The following XKR6 variants were observed in gnomAD, a reference collection of about 807,000 sequenced individuals.
XKR6 encodes the protein XK related 6.
A neutral mutation model predicts 56.7 loss-of-function variants in XKR6; 22 were observed. That is an observed-to-expected ratio of 0.39 (90% CI 0.28 to 0.55). The LOEUF is 0.55. Among genes scored for constraint, XKR6 ranks in the 20% least tolerant of loss-of-function variants. The probability of loss-of-function intolerance (pLI) is 0.66; values close to 1 mark genes in which losing one functional copy is unlikely to be tolerated. For synonymous variants in XKR6, 524 were observed against 387.8 expected (o/e 1.35, Z -4.13); for missense variants, 852 against 889.0 (o/e 0.96, Z 0.53).
intron 2 of XKR6, among the ~76,000 whole-genome samples, chr8:10,904,136 C>T (rs986339328): frequency 3.3e-5 from 5 of 152,176 alleles, no homozygotes; most frequent in African/African-American, 9.7e-5. Flanking sequence ...ACACGCTTCA[C>T]GTTTGGCTGT....
intron 1 of XKR6, among the ~76,000 whole-genome samples, chr8:11,022,021 G>C (rs995544527): frequency 4.0e-5 from 6 of 151,496 alleles, no homozygotes; most frequent in African/African-American, 1.5e-4. Context: ...AGAAAACAAA[G>C]GGGAAGAAAC....
intron 1 of XKR6, among the ~76,000 whole-genome samples, chr8:11,095,326 G>C (rs1261459765): frequency 6.6e-6 from 1 of 152,136 alleles, no homozygotes. Flanking sequence ...ATGAATGTAA[G>C]GTATTCTTAA....
chr8:11,149,306 T>C (rs895502002), intron 1 of XKR6, among the ~76,000 whole-genome samples: 5 of 152,210 alleles, frequency 3.3e-5, no homozygotes, highest in African/African-American at 1.2e-4. Flanking sequence ...CCATAGTGAA[T>C]GCTGTAGGCA....
rs544858298 is a variant in XKR6 at position 11,043,704 on chromosome 8, C to G, written c.765-118874G>C. The stretch of plus-strand genomic sequence containing the variant: ...CCCACCCACCTCTTGGCCAAGGGAA[C>G]CCCAGAGAAATCTTAAAAACTAAGT... On this transcript the variant is annotated intron_variant, in intron 1 of 2. Coordinates refer to ENST00000416569, the MANE Select transcript of XKR6 (RefSeq NM_173683.4). 1.2e-3 allele frequency among the ~76,000 whole-genome samples: 186 copies of G among 152,334 alleles called. 3 individuals carry two copies. The highest frequency in any genetic ancestry group is 4.4e-3 in the African/African-American group (181 of 41,580).
Position 10,897,734 on chromosome 8 carries a change from ATATCTTTG to A in XKR6, c.*210_*217del, listed in dbSNP as rs1308129160. 12 of 469,112 alleles carry A rather than the reference ATATCTTTG, an allele frequency of 2.6e-5. No individual in the cohort carries two copies. Among genetic ancestry groups the A allele is most frequent in the Non-Finnish European group, 7.2e-6 (2 of 278,452 alleles). 29.1% of individuals were successfully genotyped at this position (469,112 alleles called of 1,614,324 possible). On this transcript the variant is annotated 3_prime_UTR_variant, in exon 3 of 3. Transcript: ENST00000416569. ...TGTTTTTACTTACAAAACATAGAGA[ATATCTTTG>A]TATACATACAGCGACTGGAAAGAAA...
Position 11,200,005 on chromosome 8 carries a change from A to G in XKR6, c.764+571T>C, listed in dbSNP as rs140236122. ...AAAAAAGTCTTTTTTCCTTCTGGGA[A>G]AGCAGTGGTTTGGAGTCATTCACAG... On this transcript the variant is annotated intron_variant, in intron 1 of 2. Coordinates refer to ENST00000416569, the MANE Select transcript of XKR6 (RefSeq NM_173683.4). The surrounding 1 kb of genome is among the most constrained non-coding windows in gnomAD (Gnocchi z 6.4). Among the ~76,000 whole-genome samples the G allele has an allele frequency of 2.1e-3, 319 of 152,276 alleles. 2 individuals are homozygous for G. Among genetic ancestry groups the G allele is most frequent in the East Asian group, 0.011 (59 of 5,184 alleles).
intron 1 of XKR6, among the ~76,000 whole-genome samples, chr8:11,065,676 C>A (rs531769633): frequency 6.6e-6 from 1 of 152,198 alleles, no homozygotes; most frequent in East Asian, 1.9e-4. Flanking sequence ...TCCTTCCTCT[C>A]ATTCCACGTG....
chr8:11,178,556 A>ATATATATATATATG (rs1802788201), intron 1 of XKR6, among the ~76,000 whole-genome samples: 1 of 130,800 alleles, frequency 7.6e-6, no homozygotes, highest in African/African-American at 2.8e-5. Flanking sequence ...AAATATATAT[A>ATATATATATATATG]TATATATATA....
chr8:10,904,408 C>T (rs1800127460), intron 2 of XKR6, among the ~76,000 whole-genome samples: 1 of 152,204 alleles, frequency 6.6e-6, no homozygotes, highest in East Asian at 1.9e-4. Context: ...ACCGATGACA[C>T]AGAGCCAGAA....
intron 2 of XKR6, among the ~76,000 whole-genome samples, chr8:10,913,093 T>G (rs967939788): frequency 5.3e-5 from 8 of 151,158 alleles, no homozygotes; most frequent in South Asian, 4.2e-4. Context: ...TATCTATATA[T>G]AGAGAGAGAG....
At chr8:11,133,939 C>G (rs527327433) in intron 1 of XKR6, among the ~76,000 whole-genome samples, 1 of 152,290 alleles carries the variant, frequency 6.6e-6, no homozygotes, top group African/African-American at 2.4e-5. Flanking sequence ...TGGTGCTATT[C>G]ATGAGCTGGT....
intron 1 of XKR6, among the ~76,000 whole-genome samples, chr8:11,079,398 C>G (rs1455786444): frequency 6.6e-6 from 1 of 152,202 alleles, no homozygotes; most frequent in Non-Finnish European, 1.5e-5. Flanking sequence ...AAGAACTGTC[C>G]ACAGTGGATA....
At chr8:10,920,993 G>T (rs1020882027) in intron 2 of XKR6, among the ~76,000 whole-genome samples, 1 of 152,258 alleles carries the variant, frequency 6.6e-6, no homozygotes, top group African/African-American at 2.4e-5. Flanking sequence ...CACAGGAGGG[G>T]CTTCCCTGGG....
At chr8:11,150,610 C>T (rs966408408) in intron 1 of XKR6, among the ~76,000 whole-genome samples, 32 of 152,074 alleles carry the variant, frequency 2.1e-4, no homozygotes, top group Middle Eastern at 3.4e-3. Flanking sequence ...CCCAGCACTT[C>T]GGGAGGCCAA....
intron 1 of XKR6, among the ~76,000 whole-genome samples, chr8:10,985,104 T>C (rs1797830643): frequency 6.6e-6 from 1 of 152,022 alleles, no homozygotes. Flanking sequence ...CATGCCAGGC[T>C]AAATTTCTTT....
chr8:11,146,335 G>A (rs903658358), intron 1 of XKR6, among the ~76,000 whole-genome samples: 3 of 152,192 alleles, frequency 2.0e-5, no homozygotes, highest in Non-Finnish European at 4.4e-5. Context: ...ACCTGTTAAA[G>A]AAAAAACTGG....
chr8:11,148,201 C>T (rs1038903500), intron 1 of XKR6, among the ~76,000 whole-genome samples: 1 of 152,090 alleles, frequency 6.6e-6, no homozygotes, highest in African/African-American at 2.4e-5. Context: ...CAGAGCAAGA[C>T]CCTGTCTCAA....
At chr8:10,952,747 G>A (rs188197853) in intron 1 of XKR6, among the ~76,000 whole-genome samples, 198 of 152,270 alleles carry the variant, frequency 1.3e-3, no homozygotes, top group Middle Eastern at 3.4e-3. Context: ...TCACGGGGGC[G>A]GATCCTTCAT....
chr8:11,184,388 TACACACACAC>T (rs6150466), intron 1 of XKR6, among the ~76,000 whole-genome samples: 1,505 of 146,242 alleles, frequency 0.01, 25 homozygotes, highest in African/African-American at 0.034. Flanking sequence ...TATACACACA[TACACACACAC>T]ACACACACAC....
Sources: allele counts gnomAD v4.1 joint callset (sites outside exome capture counted in the v4.1 genomes callset), GRCh38; gene constraint gnomAD v4.1.1; non-coding constraint Gnocchi (gnomAD v3.1); transcripts MANE v1.5; gene names NCBI Gene and HGNC (gene_info 2026-07-23, HGNC 2026-07-21).